Variants in COLGALT2 observed in about 807,000 individuals in gnomAD.
The protein encoded by COLGALT2 is collagen beta(1-O)galactosyltransferase 2.
COLGALT2 carries 49 observed loss-of-function variants against 73.4 expected under a neutral mutation model. That is an observed-to-expected ratio of 0.67 (90% CI 0.53 to 0.85). The LOEUF is 0.85. Among genes scored for constraint, COLGALT2 ranks in the 40% least tolerant of loss-of-function variants. The pLI, the probability that COLGALT2 is intolerant of heterozygous loss-of-function variation, is 0.00. For synonymous variants in COLGALT2, 295 were observed against 307.6 expected (o/e 0.96, Z 0.43); for missense variants, 722 against 790.2 (o/e 0.91, Z 1.03).
intron 6 of COLGALT2, among the ~76,000 whole-genome samples, chr1:183,961,642 G>C (rs773099430): frequency 5.9e-5 from 9 of 152,152 alleles, no homozygotes; most frequent in Non-Finnish European, 1.3e-4. Context: ...CTTCAAAAGC[G>C]ACAGTGTCTA....
In COLGALT2 at chr1:183,936,935, C is replaced by A; in HGVS notation, c.*1826G>T. ...GCTGCCTCTTGTCCTAAAGTGGGGA[C>A]CCGCCCCTCACCTGGGGAGATGAGG... On this transcript the variant is annotated 3_prime_UTR_variant, in exon 12 of 12. Coordinates refer to ENST00000361927, the MANE Select transcript of COLGALT2 (RefSeq NM_015101.4). 8.1e-7 allele frequency: 1 copy of A among 1,231,764 alleles called. No homozygotes were observed. Among genetic ancestry groups the A allele is most frequent in the African/African-American group, 1.6e-5 (1 of 64,512 alleles). The allele number at this position is 1,231,764 out of a possible 1,614,324, so 76.3% of individuals were successfully genotyped here.
In COLGALT2 at chr1:183,939,028, G is replaced by A. The variant is rs747100731; in HGVS notation, c.1614C>T (p.Tyr538=). The A allele has an allele frequency of 6.2e-7, 1 of 1,609,410 alleles. No individual in the cohort carries two copies. The highest frequency in any genetic ancestry group is 8.5e-7 in the Non-Finnish European group (1 of 1,176,040). Residue 538 remains tyrosine, a synonymous_variant, in exon 12 of 12, where the codon TAC becomes TAT. Coordinates refer to ENST00000361927, the MANE Select transcript of COLGALT2 (RefSeq NM_015101.4). ...GGTCCCTGGATTCATAATACTCCTTGTACTCGGCTCTGAAAACAAGAAGGT... is the reference window on the plus strand; with the variant it reads ...GGTCCCTGGATTCATAATACTCCTTATACTCGGCTCTGAAAACAAGAAGGT... ...VMYNKHPVAE[Y]KEYYESRDLK...
downstream of COLGALT2, among the ~76,000 whole-genome samples, chr1:183,932,204 G>A (rs1038200925): frequency 6.6e-6 from 1 of 152,172 alleles, no homozygotes; most frequent in Non-Finnish European, 1.5e-5. Flanking sequence ...GCTTGGAAGT[G>A]GATGCAGTTT....
chr1:183,946,080 AC>A (rs1670242309), intron 8 of COLGALT2: 1 of 153,580 alleles, frequency 6.5e-6, no homozygotes, highest in Non-Finnish European at 1.4e-5. Context: ...TCCCTTAAAG[AC>A]CTGCCCCCAG....
chr1:184,023,025 T>C (rs1649224438), intron 1 of COLGALT2, among the ~76,000 whole-genome samples: 1 of 152,200 alleles, frequency 6.6e-6, no homozygotes, highest in African/African-American at 2.4e-5. Flanking sequence ...TTTCTCGAGA[T>C]AATTCTGATC....
chr1:184,037,716 A>G lies in COLGALT2; in HGVS notation c.-359T>C. 1 of 960,812 alleles carries G rather than the reference A, an allele frequency of 1.0e-6. No individual in the cohort carries two copies. Among genetic ancestry groups the G allele is most frequent in the Non-Finnish European group, 1.2e-6 (1 of 804,338 alleles). 59.5% of individuals were successfully genotyped at this position (960,812 alleles called of 1,614,324 possible). Reference sequence around the variant, plus strand: ...AGCTGAGGTCTGTGGCCTTCCCTAGAGCCGCGAGTTGTGGCCCTGTCTGCC... The same window carrying G: ...AGCTGAGGTCTGTGGCCTTCCCTAGGGCCGCGAGTTGTGGCCCTGTCTGCC... On this transcript the variant is annotated 5_prime_UTR_variant, in exon 1 of 12. Coordinates refer to ENST00000361927, the MANE Select transcript of COLGALT2 (RefSeq NM_015101.4).
At chr1:183,978,655 T>C in intron 1 of COLGALT2, 135 bp from the exon 2 acceptor site, 1 of 560,426 alleles carries the variant, frequency 1.8e-6, no homozygotes, top group Non-Finnish European at 3.1e-6. Context: ...AATAATTCCC[T>C]CATAGTCCAA....
rs571299464 is a variant in COLGALT2 at position 183,940,784 on chromosome 1, A to G, written c.1401T>C (p.Tyr467=). The G allele has an allele frequency of 1.2e-6, 2 of 1,613,688 alleles. No individual in the cohort carries two copies. Among genetic ancestry groups the G allele is most frequent in the East Asian group, 4.5e-5 (2 of 44,882 alleles). The change falls in exon 11 of 12, where the codon TAT becomes TAC. Residue 467 remains tyrosine, a synonymous_variant. Coordinates refer to ENST00000361927, the MANE Select transcript of COLGALT2 (RefSeq NM_015101.4). ...DQAQLDWELI[Y]IGRKRMQVKE... ...TTACTTGCATCCTCTTCCTACCAAT[A>G]TAACTGTAAGGAAATGGCAGAGGAG...
exon 12 of COLGALT2, chr1:183,930,021 A>T (rs1002013339): frequency 1.0e-5 from 3 of 292,744 alleles, no homozygotes; most frequent in Admixed American, 4.3e-5. Context: ...GTGATGATAA[A>T]GAGAGTAAAG....
At chr1:184,013,468 C>T (rs1648879261) in intron 1 of COLGALT2, among the ~76,000 whole-genome samples, 1 of 152,046 alleles carries the variant, frequency 6.6e-6, no homozygotes, top group African/African-American at 2.4e-5. Context: ...GAGAGGTAGT[C>T]TGAATCTAAA....
intron 9 of COLGALT2, among the ~76,000 whole-genome samples, chr1:183,944,989 G>C (rs904661624): frequency 6.6e-6 from 1 of 152,146 alleles, no homozygotes; most frequent in Non-Finnish European, 1.5e-5. Context: ...TGATCTGTAA[G>C]ACAGGGGTTC....
intron 6 of COLGALT2, among the ~76,000 whole-genome samples, chr1:183,956,771 A>G (rs1670566223): frequency 6.6e-6 from 1 of 152,168 alleles, no homozygotes; most frequent in Non-Finnish European, 1.5e-5. Flanking sequence ...TTGGCTCCCG[A>G]AAGTCATCAC....
chr1:183,972,924 C>A (rs1216990514), intron 4 of COLGALT2, among the ~76,000 whole-genome samples: 1 of 152,168 alleles, frequency 6.6e-6, no homozygotes, highest in African/African-American at 2.4e-5. Context: ...TGGTCTCAAT[C>A]TCCTGACCTT....
chr1:184,013,152 T>C (rs529871338), intron 1 of COLGALT2, among the ~76,000 whole-genome samples: 1 of 152,266 alleles, frequency 6.6e-6, no homozygotes, highest in South Asian at 2.1e-4. Context: ...TCATCTGTAC[T>C]AAAAATACAA....
Position 184,036,339 on chromosome 1 carries a change from A to G in COLGALT2, c.263+756T>C, listed in dbSNP as rs565446853. Reference sequence around the variant, plus strand: ...CCTCCCCGCAGCAGACACAGGGACCAGGTCCAAGCTTCTTTCCTCCGGGGA... The same window carrying G: ...CCTCCCCGCAGCAGACACAGGGACCGGGTCCAAGCTTCTTTCCTCCGGGGA... On this transcript the variant is annotated intron_variant, in intron 1 of 11. Transcript: ENST00000361927. Among the ~76,000 whole-genome samples the G allele has an allele frequency of 7.2e-5, 11 of 152,322 alleles. 1 individual carries two copies. In the South Asian group the frequency reaches 1.9e-3, roughly 26 times the overall value.
chr1:183,961,456 G>A (rs892982519), intron 6 of COLGALT2, among the ~76,000 whole-genome samples: 3 of 152,162 alleles, frequency 2.0e-5, no homozygotes, highest in Non-Finnish European at 2.9e-5. Flanking sequence ...AGTCGAGACC[G>A]AGAGCCATGA....
At chr1:183,976,158 C>A (rs767991828) in intron 2 of COLGALT2, among the ~76,000 whole-genome samples, 2 of 151,886 alleles carry the variant, frequency 1.3e-5, no homozygotes, top group Non-Finnish European at 2.9e-5. Flanking sequence ...TAGTCAAAAC[C>A]TGGCTGCAGA....
At chr1:183,944,070 A>C (rs1022209761) in intron 10 of COLGALT2, 126 bp downstream of exon 10, 53 of 1,157,076 alleles carry the variant, frequency 4.6e-5, no homozygotes, top group Non-Finnish European at 6.2e-5. Context: ...ACATTTATGG[A>C]AAGAAAACTA....
chr1:184,020,470 T>G (rs780024539), intron 1 of COLGALT2, among the ~76,000 whole-genome samples: 46 of 152,184 alleles, frequency 3.0e-4, no homozygotes, highest in Non-Finnish European at 5.6e-4. Context: ...CCAAAAAGAC[T>G]CAGCCATACA....
Sources: gnomAD v4.1 joint callset for allele counts (sites outside exome capture counted in the v4.1 genomes callset) on GRCh38, gnomAD v4.1.1 for gene constraint, MANE v1.5 for transcripts, NCBI Gene and HGNC (gene_info 2026-07-23, HGNC 2026-07-21) for gene names.